Variants in CCDC102B observed in about 807,000 individuals in gnomAD.
CCDC102B encodes the protein coiled-coil domain containing 102B, also known as coiled-coil domain-containing protein 102B.
Under a neutral mutation model 57.4 loss-of-function variants are expected in CCDC102B, and 75 were observed. That is an observed-to-expected ratio of 1.31 (90% confidence interval 1.08 to 1.58). The LOEUF is 1.58. CCDC102B is among the 40% of genes most tolerant of loss of function. The probability of loss-of-function intolerance (pLI) is 0.00; values close to 1 mark genes in which losing one functional copy is unlikely to be tolerated. For missense variants in CCDC102B, 636 were observed against 582.6 expected (o/e 1.09, Z -0.94); for synonymous variants, 206 against 201.9 (o/e 1.02, Z -0.17).
chr18:68,747,674 C>T (rs1403679035), intron 2 of CCDC102B, among the ~76,000 whole-genome samples: 1 of 152,148 alleles, frequency 6.6e-6, no homozygotes, highest in Non-Finnish European at 1.5e-5. Flanking sequence ...CCAGGTTCAT[C>T]CAAGTTGTCA....
chr18:69,011,545 G>A (rs1162657864), intron 7 of CCDC102B, among the ~76,000 whole-genome samples: 1 of 150,504 alleles, frequency 6.6e-6, no homozygotes, highest in African/African-American at 2.4e-5. Context: ...GTTTTGTTAG[G>A]TCAACTCAAT....
intron 2 of CCDC102B, among the ~76,000 whole-genome samples, chr18:68,733,023 A>G (rs1337742258): frequency 1.3e-5 from 2 of 152,158 alleles, no homozygotes; most frequent in African/African-American, 4.8e-5. Context: ...GGGGAAGGTT[A>G]TGCTAAGGCT....
chr18:68,826,146 G>A (rs946480529), intron 1 of CCDC102B, among the ~76,000 whole-genome samples: 13 of 152,182 alleles, frequency 8.5e-5, no homozygotes, highest in African/African-American at 3.1e-4. Flanking sequence ...CTAAATTTTG[G>A]TGTAATTTGT....
intron 2 of CCDC102B, among the ~76,000 whole-genome samples, chr18:68,788,858 T>C (rs1004958400): frequency 2.6e-5 from 4 of 152,160 alleles, no homozygotes; most frequent in Non-Finnish European, 5.9e-5. Context: ...ATGTGTGAAT[T>C]TGATCCTGTC....
chr18:68,829,681 A>G (rs1034400138), intron 1 of CCDC102B, among the ~76,000 whole-genome samples: 1 of 151,998 alleles, frequency 6.6e-6, no homozygotes, highest in African/African-American at 2.4e-5. Flanking sequence ...TCTCCTGTTT[A>G]CCACAAAGTG....
At chr18:68,810,692 T>TTTTG (rs2036223032) in intron 1 of CCDC102B, among the ~76,000 whole-genome samples, 1 of 142,456 alleles carries the variant, frequency 7.0e-6, no homozygotes, top group South Asian at 2.2e-4. Context: ...TTTTTTTTTT[T>TTTTG]TTTTTTTTTT....
intron 5 of CCDC102B, among the ~76,000 whole-genome samples, chr18:68,884,486 G>A (rs1423073374): frequency 6.6e-6 from 1 of 151,498 alleles, no homozygotes; most frequent in Non-Finnish European, 1.5e-5. Flanking sequence ...TAGAGATAGA[G>A]AACAAAAAAG....
intron 5 of CCDC102B, among the ~76,000 whole-genome samples, chr18:68,896,683 G>T (rs2040252765): frequency 6.6e-6 from 1 of 151,572 alleles, no homozygotes; most frequent in African/African-American, 2.4e-5. Context: ...AATATAAAAT[G>T]ATAAATTATA....
intron 6 of CCDC102B, among the ~76,000 whole-genome samples, chr18:69,007,973 A>G (rs1003438870): frequency 6.6e-6 from 1 of 152,228 alleles, no homozygotes; most frequent in African/African-American, 2.4e-5. Context: ...TTATACACCT[A>G]ATGACAAAGC....
At chr18:68,793,832 A>G (rs2035545241), upstream of CCDC102B, among the ~76,000 whole-genome samples, 1 of 152,192 alleles carries the variant, frequency 6.6e-6, no homozygotes, top group Non-Finnish European at 1.5e-5. Flanking sequence ...ATCCACCAGT[A>G]TAGCTTTAGC....
chr18:68,942,507 A>G (rs1182427288), intron 6 of CCDC102B, among the ~76,000 whole-genome samples: 6 of 151,984 alleles, frequency 3.9e-5, no homozygotes, highest in African/African-American at 1.2e-4. Context: ...GTAGTAATGG[A>G]GAGAGGGTCA....
chr18:68,977,556 TAA>T (rs79692983), intron 6 of CCDC102B, among the ~76,000 whole-genome samples: 5 of 139,458 alleles, frequency 3.6e-5, no homozygotes, highest in Admixed American at 1.5e-4. Context: ...ACTATAGCAC[TAA>T]AAAAAAAAAA....
intron 2 of CCDC102B, among the ~76,000 whole-genome samples, chr18:68,760,196 T>C (rs2034207626): frequency 6.6e-6 from 1 of 152,056 alleles, no homozygotes; most frequent in East Asian, 1.9e-4. Context: ...AATTACCTTC[T>C]TAAAATAAAA....
intron 6 of CCDC102B, among the ~76,000 whole-genome samples, chr18:68,978,068 A>G (rs2050487416): frequency 6.6e-6 from 1 of 152,042 alleles, no homozygotes. Context: ...GACTGTAAGC[A>G]CACAATGTGC....
At chr18:69,005,684 T>C (rs1358697221) in intron 6 of CCDC102B, among the ~76,000 whole-genome samples, 1 of 151,678 alleles carries the variant, frequency 6.6e-6, no homozygotes, top group Non-Finnish European at 1.5e-5. Context: ...TCCTTACATA[T>C]AACAAAATAA....
intron 1 of CCDC102B, among the ~76,000 whole-genome samples, chr18:68,822,543 G>C (rs2036734656): frequency 6.6e-6 from 1 of 151,880 alleles, no homozygotes; most frequent in Non-Finnish European, 1.5e-5. Context: ...CCTATTTTTA[G>C]ATACATAAGG....
intron 2 of CCDC102B, among the ~76,000 whole-genome samples, chr18:68,791,596 G>C (rs1335264718): frequency 6.7e-6 from 1 of 149,294 alleles, no homozygotes; most frequent in Non-Finnish European, 1.5e-5. Context: ...AAATGACTAT[G>C]TTTGAAATGT....
At position 68,838,822 on chromosome 18, in the gene CCDC102B, G is replaced by A; in HGVS notation, c.723G>A (p.Leu241=). ...GAAACGGTGAAACGAAAACTGGGCT[G>A]AGACTGAAAGCAATAAATCTGCCTT... is the stretch of plus-strand genomic sequence containing the variant. ...GSGNGETKTG[L]RLKAINLPLE... Residue 241 remains leucine, a synonymous_variant, in exon 3 of 8, where the codon CTG becomes CTA. Coordinates refer to ENST00000360242, the MANE Select transcript of CCDC102B (RefSeq NM_024781.3). The A allele has an allele frequency of 6.2e-7, 1 of 1,613,976 alleles. No individual in the cohort carries two copies. The highest frequency in any genetic ancestry group is 8.5e-7 in the Non-Finnish European group (1 of 1,179,936).
At chr18:68,985,713 G>C (rs1480001775) in intron 6 of CCDC102B, among the ~76,000 whole-genome samples, 1 of 152,126 alleles carries the variant, frequency 6.6e-6, no homozygotes, top group Non-Finnish European at 1.5e-5. Flanking sequence ...TGCATCTCTA[G>C]ACATCAGAAG....
Sources: gnomAD v4.1 joint callset for allele counts (sites outside exome capture counted in the v4.1 genomes callset) on GRCh38, gnomAD v4.1.1 for gene constraint, MANE v1.5 for transcripts, NCBI Gene and HGNC (gene_info 2026-07-23, HGNC 2026-07-21) for gene names.